ARHGAP10: variants seen among roughly 807,000 people sequenced by gnomAD.
The protein encoded by ARHGAP10 is rho GTPase-activating protein 10.
A neutral mutation model predicts 108.6 loss-of-function variants in ARHGAP10; 87 were observed. That is an observed-to-expected ratio of 0.80 (90% CI 0.67 to 0.96). The LOEUF (loss-of-function observed/expected upper bound fraction) is 0.96. Ranked by LOEUF, ARHGAP10 falls within the 40% of genes least tolerant of loss-of-function variation. The probability of loss-of-function intolerance (pLI) is 0.00; values close to 1 mark genes in which losing one functional copy is unlikely to be tolerated. For synonymous variants in ARHGAP10, 347 were observed against 341.1 expected (o/e 1.02, Z -0.19); for missense variants, 939 against 954.5 (o/e 0.98, Z 0.21).
intron 18 of ARHGAP10, among the ~76,000 whole-genome samples, chr4:148,014,958 G>A (rs1341352217): frequency 2.0e-5 from 3 of 152,192 alleles, no homozygotes; most frequent in African/African-American, 7.2e-5. Flanking sequence ...CTAAGTTGAA[G>A]TTGTTTTTTG....
chr4:147,748,107 T>C (rs1328748756), intron 1 of ARHGAP10, among the ~76,000 whole-genome samples: 7 of 152,244 alleles, frequency 4.6e-5, no homozygotes, highest in Admixed American at 2.6e-4. Flanking sequence ...AGGGAGCCCA[T>C]GTAATCTAAA....
chr4:147,880,963 T>C (rs1243120884), intron 9 of ARHGAP10, among the ~76,000 whole-genome samples: 1 of 152,224 alleles, frequency 6.6e-6, no homozygotes, highest in African/African-American at 2.4e-5. Context: ...AAAACTGTAC[T>C]GTTAATCTAC....
intron 10 of ARHGAP10, among the ~76,000 whole-genome samples, chr4:147,894,547 T>A (rs1579170065): frequency 1.3e-5 from 2 of 152,206 alleles, no homozygotes; most frequent in East Asian, 3.8e-4. Context: ...ACATTTTAAC[T>A]TGAGGTTGAA....
intron 1 of ARHGAP10, among the ~76,000 whole-genome samples, chr4:147,764,480 T>C (rs1218346997): frequency 1.3e-5 from 2 of 150,958 alleles, no homozygotes; most frequent in East Asian, 3.9e-4. Flanking sequence ...ATAGTGACTT[T>C]GAGGTAAAAA....
rs1727954924 is a variant in ARHGAP10 at position 148,027,992 on chromosome 4, C to T, written c.1867+4579C>T. 3.3e-5 allele frequency among the ~76,000 whole-genome samples: 5 copies of T among 151,908 alleles called. No homozygotes were observed. The South Asian group carries it at 1.0e-3, about 32-fold the overall frequency. ...ATCAATTGAAGAGCTTTTATATGCT[C>T]CACATCCTGCCACATACGGTTTTTC... On this transcript the variant is annotated intron_variant, in intron 19 of 22. Transcript: ENST00000336498.
At chr4:147,749,015 CT>C (rs1941928263) in intron 1 of ARHGAP10, among the ~76,000 whole-genome samples, 2 of 152,084 alleles carry the variant, frequency 1.3e-5, no homozygotes, top group Non-Finnish European at 2.9e-5. Context: ...TTGAAACTCA[CT>C]TTATTAGACC....
At chr4:147,845,408 C>G (rs1733591465) in intron 3 of ARHGAP10, among the ~76,000 whole-genome samples, 1 of 152,110 alleles carries the variant, frequency 6.6e-6, no homozygotes, top group Non-Finnish European at 1.5e-5. Context: ...TAGCTGTATC[C>G]CCATCACCTG....
In ARHGAP10 at chr4:147,940,001, A is replaced by T. The variant is rs187760975; in HGVS notation, c.1303+102A>T. On this transcript the variant is annotated intron_variant, in intron 14 of 22. Transcript: ENST00000336498. ...TAATGTAGAGAATACTTGTCATTCC[A>T]TTCCTCTACTTTCTACAGGAGTTTT... The T allele has an allele frequency of 2.0e-5, 23 of 1,139,986 alleles. No homozygotes were observed. The African/African-American group carries it at 3.4e-4, about 17-fold the overall frequency. The allele number at this position is 1,139,986 out of a possible 1,614,324, so 70.6% of individuals were successfully genotyped here. A position where few individuals can be genotyped will look rare whatever the true frequency, so the allele number is the denominator to read the frequency against.
At chr4:147,927,798 G>C (rs1331126643) in intron 13 of ARHGAP10, among the ~76,000 whole-genome samples, 1 of 152,196 alleles carries the variant, frequency 6.6e-6, no homozygotes, top group Non-Finnish European at 1.5e-5. Context: ...CTTTTGCCAA[G>C]GTTCATGCTG....
rs568414189 is a variant in ARHGAP10 at position 147,923,981 on chromosome 4, C to G, written c.1228+10842C>G. On this transcript the variant is annotated intron_variant, in intron 13 of 22. Coordinates refer to ENST00000336498, the MANE Select transcript of ARHGAP10 (RefSeq NM_024605.4). The stretch of plus-strand genomic sequence containing the variant: ...TTACAGCAAGTAAACTAGAGTTTCT[C>G]TCTGTCTCTGTTTTAATCAAAATGG... Among the ~76,000 whole-genome samples the G allele has an allele frequency of 1.1e-4, 17 of 152,280 alleles. No individual in the cohort carries two copies. The South Asian group carries it at 1.9e-3, about 17-fold the overall frequency.
At chr4:147,886,405 A>G (rs1157308350) in intron 10 of ARHGAP10, among the ~76,000 whole-genome samples, 2 of 152,162 alleles carry the variant, frequency 1.3e-5, no homozygotes, top group Admixed American at 1.3e-4. Flanking sequence ...CATTGCAAGG[A>G]ACTGCAGTCC....
intron 10 of ARHGAP10, among the ~76,000 whole-genome samples, chr4:147,897,243 A>T (rs1251424493): frequency 1.3e-5 from 2 of 151,260 alleles, no homozygotes; most frequent in Non-Finnish European, 2.9e-5. Context: ...GTTTTAGTTT[A>T]TATATAATAA....
chr4:148,042,686 C>T (rs1263188645), intron 19 of ARHGAP10, among the ~76,000 whole-genome samples: 5 of 152,180 alleles, frequency 3.3e-5, no homozygotes, highest in African/African-American at 4.8e-5. Context: ...TTTGTCTTTG[C>T]CTGTCTTCTG....
chr4:147,826,880 C>T (rs1036599846), intron 3 of ARHGAP10, among the ~76,000 whole-genome samples: 7 of 152,134 alleles, frequency 4.6e-5, no homozygotes, highest in African/African-American at 1.7e-4. Flanking sequence ...TGCCTCTTTC[C>T]CTCCCCAAGC....
At chr4:147,773,175 G>A (rs1464941987) in intron 1 of ARHGAP10, among the ~76,000 whole-genome samples, 1 of 152,148 alleles carries the variant, frequency 6.6e-6, no homozygotes, top group Non-Finnish European at 1.5e-5. Flanking sequence ...TTTAAAAATA[G>A]CAGATTTCCC....
At chr4:147,732,517 T>C (rs1000597902) in intron 1 of ARHGAP10, 62 bp downstream of exon 1, 44 of 1,594,368 alleles carry the variant, frequency 2.8e-5, no homozygotes, top group Non-Finnish European at 3.5e-5. Context: ...GGAGCCTCTC[T>C]CGGCAGGAGA....
chr4:148,072,213 G>T lies in ARHGAP10; in HGVS notation c.*132G>T. ...ACACTTGGGAGTTACCATCATCACA[G>T]TCAGCCCTGGGGGTGGGGGGTGGTG... is the stretch of plus-strand genomic sequence containing the variant. On this transcript the variant is annotated 3_prime_UTR_variant, in exon 23 of 23. Coordinates refer to ENST00000336498, the MANE Select transcript of ARHGAP10 (RefSeq NM_024605.4). The T allele has an allele frequency of 6.8e-6, 4 of 588,514 alleles. No homozygotes were observed. The highest frequency in any genetic ancestry group is 8.5e-6 in the Non-Finnish European group (3 of 351,694). The allele number at this position is 588,514 out of a possible 1,614,324, so 36.5% of individuals were successfully genotyped here.
intron 10 of ARHGAP10, among the ~76,000 whole-genome samples, chr4:147,892,301 G>A (rs1560812826): frequency 6.6e-6 from 1 of 152,204 alleles, no homozygotes; most frequent in Non-Finnish European, 1.5e-5. Context: ...ATTTAAAAGA[G>A]TGAGTTAAGA....
chr4:147,858,788 T>G (rs1166022944), intron 5 of ARHGAP10, among the ~76,000 whole-genome samples: 1 of 152,228 alleles, frequency 6.6e-6, no homozygotes, highest in Non-Finnish European at 1.5e-5. Context: ...ACCTCCATTT[T>G]CAGGTATCCA....
Sources: allele counts gnomAD v4.1 joint callset (sites outside exome capture counted in the v4.1 genomes callset), GRCh38; gene constraint gnomAD v4.1.1; transcripts MANE v1.5; gene names NCBI Gene and HGNC (gene_info 2026-07-23, HGNC 2026-07-21).